The following ZDHHC11B variants were observed in gnomAD, a reference collection of about 807,000 sequenced individuals.
ZDHHC11B encodes the protein zDHHC palmitoyltransferase 11B (putative).
In ZDHHC11B, 17 loss-of-function variants were observed where a neutral mutation model predicts 42.3. The ratio of observed to expected loss-of-function variants is 0.40; its 90% CI spans 0.27 to 0.60. The LOEUF is 0.60. Among genes scored for constraint, ZDHHC11B ranks in the 20% least tolerant of loss-of-function variants. The probability of loss-of-function intolerance (pLI) is 0.41; values close to 1 mark genes in which losing one functional copy is unlikely to be tolerated. For synonymous variants in ZDHHC11B, 123 were observed against 193.5 expected (o/e 0.64, Z 3.02); for missense variants, 262 against 463.2 (o/e 0.57, Z 3.99).
At chr5:752,886 C>G (rs1310436582) in intron 6 of ZDHHC11B, among the ~76,000 whole-genome samples, 2 of 124,824 alleles carry the variant, frequency 1.6e-5, no homozygotes, top group African/African-American at 5.1e-5. Flanking sequence ...GGAGAGGACT[C>G]CCCTCTTCAT....
intron 6 of ZDHHC11B, among the ~76,000 whole-genome samples, chr5:752,973 C>A (rs1561160105): frequency 9.3e-6 from 1 of 107,706 alleles, no homozygotes; most frequent in Non-Finnish European, 2.1e-5. Context: ...TGGGGCAGAC[C>A]CATTCACGCG....
intron 3 of ZDHHC11B, 99 bp from the exon 4 acceptor site, chr5:767,018 C>T (rs1429021607): frequency 1.4e-6 from 2 of 1,390,426 alleles, no homozygotes; most frequent in African/African-American, 1.4e-5. Context: ...ACATGGCCCC[C>T]AGGACCAGCA....
intron 4 of ZDHHC11B, among the ~76,000 whole-genome samples, chr5:765,911 C>T (rs1430062853): frequency 6.6e-6 from 1 of 151,960 alleles, no homozygotes. Flanking sequence ...GACACAGTGT[C>T]ACCACTTCCC....
At chr5:713,562 T>A (rs1342464701) in intron 13 of ZDHHC11B, among the ~76,000 whole-genome samples, 25 of 152,056 alleles carry the variant, frequency 1.6e-4, no homozygotes, top group Non-Finnish European at 3.5e-4. Flanking sequence ...GAGAAATCTT[T>A]GAGGCTTAGG....
At chr5:783,368 C>G (rs1366930353) in intron 1 of ZDHHC11B, among the ~76,000 whole-genome samples, 65 of 152,358 alleles carry the variant, frequency 4.3e-4, no homozygotes, top group African/African-American at 1.4e-3. Context: ...TGCCCCTTCC[C>G]GGCCTTGGTC....
intron 11 of ZDHHC11B, among the ~76,000 whole-genome samples, chr5:732,866 A>G (rs1743130084): frequency 6.6e-6 from 1 of 151,846 alleles, no homozygotes; most frequent in East Asian, 1.9e-4. Context: ...TGGACAAGAG[A>G]GTGAGATCCC....
chr5:763,013 C>G (rs767717105), intron 4 of ZDHHC11B, among the ~76,000 whole-genome samples: 1 of 151,846 alleles, frequency 6.6e-6, no homozygotes, highest in African/African-American at 2.4e-5. Context: ...GTGGGAAACA[C>G]TGTAAACACC....
chr5:746,053 G>T (rs1174666242), intron 8 of ZDHHC11B, among the ~76,000 whole-genome samples: 1 of 149,746 alleles, frequency 6.7e-6, no homozygotes, highest in African/African-American at 2.5e-5. Context: ...AAGCAGCCCA[G>T]GGAAGCAAAG....
intron 8 of ZDHHC11B, chr5:747,359 G>C (rs1347381321): frequency 7.0e-6 from 1 of 142,890 alleles, no homozygotes; most frequent in East Asian, 2.3e-4. Context: ...ATTCAGCTCT[G>C]TGTCCGTAGG....
chr5:741,289 C>T (rs1428676536), intron 10 of ZDHHC11B, among the ~76,000 whole-genome samples: 4 of 147,962 alleles, frequency 2.7e-5, no homozygotes, highest in African/African-American at 7.5e-5. Flanking sequence ...TCACAACTAC[C>T]CACATGTTCA....
At chr5:776,124 C>G (rs1289488026) in intron 1 of ZDHHC11B, among the ~76,000 whole-genome samples, 2 of 150,636 alleles carry the variant, frequency 1.3e-5, no homozygotes, top group Admixed American at 6.6e-5. Context: ...GCTGCCATCA[C>G]AGCCCTCAAT....
At chr5:778,099 C>T (rs1435131455) in intron 1 of ZDHHC11B, among the ~76,000 whole-genome samples, 7 of 151,926 alleles carry the variant, frequency 4.6e-5, no homozygotes, top group South Asian at 4.2e-4. Context: ...CTGCAAAGGA[C>T]GCTGCGGCGG....
chr5:736,277 C>G (rs1198426002), intron 10 of ZDHHC11B, among the ~76,000 whole-genome samples: 2 of 149,786 alleles, frequency 1.3e-5, no homozygotes, highest in African/African-American at 2.5e-5. Context: ...TATCACAATC[C>G]TAACTATATA....
intron 1 of ZDHHC11B, among the ~76,000 whole-genome samples, chr5:777,838 C>T (rs1234394607): frequency 6.6e-6 from 1 of 151,990 alleles, no homozygotes; most frequent in African/African-American, 2.4e-5. Context: ...ACTCCTCAGC[C>T]CTTGGGCGGT....
chr5:784,727 T>G lies in ZDHHC11B; in HGVS notation c.-289A>C, dbSNP rs1394334348. 6.8e-6 allele frequency among the ~76,000 whole-genome samples: 1 copy of G among 147,806 alleles called. No individual in the cohort carries two copies. The highest frequency in any genetic ancestry group is 2.0e-4 in the East Asian group (1 of 5,100). On this transcript the variant is annotated 5_prime_UTR_variant, in exon 1 of 14. Coordinates refer to ENST00000508859, the MANE Select transcript of ZDHHC11B (RefSeq NM_001351303.2). ...CGCGACCCGGCCGCGCGCGACCAAGTGCTCAGCGCAGCGCTCCCCCTGCCG... is the reference window on the plus strand; with the variant it reads ...CGCGACCCGGCCGCGCGCGACCAAGGGCTCAGCGCAGCGCTCCCCCTGCCG...
intron 1 of ZDHHC11B, among the ~76,000 whole-genome samples, 192 bp downstream of exon 1, chr5:784,476 C>T (rs558306277): frequency 6.6e-6 from 1 of 152,246 alleles, no homozygotes; most frequent in Non-Finnish European, 1.5e-5. Flanking sequence ...TCGCACCGAG[C>T]CCGCAGCGCC....
At chr5:715,653 G>A (rs370747369) in intron 13 of ZDHHC11B, among the ~76,000 whole-genome samples, 5 of 151,700 alleles carry the variant, frequency 3.3e-5, no homozygotes, top group Non-Finnish European at 5.9e-5. Context: ...TGAAGACCCC[G>A]TGCTATGCAT....
At chr5:770,700 G>C (rs1399311333) in intron 1 of ZDHHC11B, among the ~76,000 whole-genome samples, 2 of 152,046 alleles carry the variant, frequency 1.3e-5, no homozygotes, top group Non-Finnish European at 2.9e-5. Flanking sequence ...TGGTGGCCCT[G>C]GGGGTGCCTC....
rs1214845261 is a variant in ZDHHC11B, at chr5:745,821, A to G, written c.785-523T>C. On this transcript the variant is annotated intron_variant, in intron 8 of 13. Coordinates refer to ENST00000508859, the MANE Select transcript of ZDHHC11B (RefSeq NM_001351303.2). Reference sequence around the variant, plus strand: ...AGTCGGAGGACCACGCAGTGGGGCGACCACCCCGAGGTGCTGGCTAGCGGG... The same window carrying G: ...AGTCGGAGGACCACGCAGTGGGGCGGCCACCCCGAGGTGCTGGCTAGCGGG... Among the ~76,000 whole-genome samples, 56 of 149,680 alleles carry G rather than the reference A, an allele frequency of 3.7e-4. 4 individuals are homozygous for G. In the South Asian group the frequency reaches 4.9e-3, roughly 13 times the overall value.
Sources: allele counts gnomAD v4.1 joint callset (sites outside exome capture counted in the v4.1 genomes callset), GRCh38; gene constraint gnomAD v4.1.1; transcripts MANE v1.5; gene names NCBI Gene and HGNC (gene_info 2026-07-23, HGNC 2026-07-21).